Variants in CNPY2 observed in about 807,000 individuals in gnomAD.
CNPY2 encodes the protein protein canopy homolog 2.
A neutral mutation model predicts 25.5 loss-of-function variants in CNPY2; 19 were observed. That is an observed-to-expected ratio of 0.74 (90% CI 0.52 to 1.09). The LOEUF (loss-of-function observed/expected upper bound fraction) is 1.09. CNPY2 is among the 50% of genes least tolerant of loss of function. The pLI, the probability that CNPY2 is intolerant of heterozygous loss-of-function variation, is 0.00. For missense variants in CNPY2, 214 were observed against 233.6 expected (o/e 0.92, Z 0.55); for synonymous variants, 82 against 85.0 (o/e 0.96, Z 0.19).
Position 56,310,554 on chromosome 12 carries a change from A to G in CNPY2, c.547T>C (p.Ter183ArgextTer33). ...HALHISHDEL[*>R] ...CCAGTGTGGGCTGCTCCAGTGGTTC[A>G]TAGCTCATCATGCGATATGTGCAGG... Residue 183 changes from the stop codon to arginine (R), a stop_lost, in exon 6 of 6, where the codon TGA (stop) becomes CGA (arginine). Transcript: ENST00000273308. The G allele has an allele frequency of 6.2e-7, 1 of 1,614,218 alleles. No individual in the cohort carries two copies. Among genetic ancestry groups the G allele is most frequent in the Non-Finnish European group, 8.5e-7 (1 of 1,180,032 alleles).
chr12:56,314,964 A>G lies in CNPY2; in HGVS notation c.91T>C (p.Cys31Arg). 1 of 1,614,094 alleles carries G rather than the reference A, an allele frequency of 6.2e-7. No homozygotes were observed. Among genetic ancestry groups the G allele is most frequent in the Non-Finnish European group, 8.5e-7 (1 of 1,179,982 alleles). Residue 31 changes from cysteine to arginine, a missense_variant and splice_region_variant, in exon 3 of 6, where the codon TGC becomes CGC. Coordinates refer to ENST00000273308, the MANE Select transcript of CNPY2 (RefSeq NM_014255.7). ...TCTAGTTCATCCACCAGAGCCCTGC[A>G]TGCTGGTGGAAGAGGAGAGAATGAG... ...RRSQDLHCGA[C>R]RALVDELEWE...
chr12:56,311,312 T>A lies in CNPY2; in HGVS notation c.307A>T (p.Lys103Ter). 6.2e-7 allele frequency: 1 copy of A among 1,614,192 alleles called. No homozygotes were observed. The highest frequency in any genetic ancestry group is 8.5e-7 in the Non-Finnish European group (1 of 1,180,030). The part of the protein sequence containing the change: ...GEQIDPSTHR[K>*]NYVRVVGRNG... ...CGGCCCACTACACGTACGTAGTTCT[T>A]GCGATGGGTGGAAGGATCAATCTGT... Residue 103 changes from lysine (K) to a stop codon, truncating the protein, a stop_gained, in exon 4 of 6, where the codon AAG (lysine) becomes TAG (stop). Transcript: ENST00000273308. LOFTEE classifies it high-confidence loss of function.
At position 56,315,153 on chromosome 12, in the gene CNPY2, C is replaced by T; in HGVS notation, c.65G>A (p.Arg22Lys). The change falls in exon 2 of 6, where the codon AGG (arginine) becomes AAG (lysine). Residue 22 changes from arginine (R) to lysine (K), a missense_variant. Arg to Lys is a conservative substitution (Grantham distance 26). Transcript: ENST00000273308. ...ACCTCCACAGTGGAGATCCTGGCTCCTCCGAGCCCAGGCGGTTCCCAGCAG... is the reference window on the plus strand; with the variant it reads ...ACCTCCACAGTGGAGATCCTGGCTCTTCCGAGCCCAGGCGGTTCCCAGCAG... ...GALLGTAWAR[R>K]SQDLHCGACR... 6.2e-7 allele frequency: 1 copy of T among 1,614,132 alleles called. No homozygotes were observed. Among genetic ancestry groups the T allele is most frequent in the African/African-American group, 1.3e-5 (1 of 75,042 alleles).
chr12:56,310,946 G>A lies in CNPY2; in HGVS notation c.505+12C>T, dbSNP rs756450874. ...AGCTACTAGAACAGGAGATAAAGTG[G>A]GGGCAGCTTACCTGTTCGCTTACTG... On this transcript the variant is annotated intron_variant, in intron 5 of 5. Coordinates refer to ENST00000273308, the MANE Select transcript of CNPY2 (RefSeq NM_014255.7). 6.2e-7 allele frequency: 1 copy of A among 1,611,546 alleles called. No homozygotes were observed. Among genetic ancestry groups the A allele is most frequent in the African/African-American group, 1.3e-5 (1 of 74,826 alleles).
rs1231631796 is a variant in CNPY2 at position 56,311,209 on chromosome 12, A to AC, written c.408+1dup. ...AACCAGCTACCGATTCCCATAGCTC[A>AC]CCGCAAACTTGAGGGTGCCGCTAAT... is the stretch of plus-strand genomic sequence containing the variant. On this transcript the variant is annotated splice_donor_variant, in intron 4 of 5. Transcript: ENST00000273308. LOFTEE classifies it high-confidence loss of function. 3 of 1,613,854 alleles carry AC rather than the reference A, an allele frequency of 1.9e-6. No individual in the cohort carries two copies. Among genetic ancestry groups the AC allele is most frequent in the Non-Finnish European group, 2.5e-6 (3 of 1,179,852 alleles).
Position 56,314,907 on chromosome 12 carries a change from T to A in CNPY2, c.148A>T (p.Thr50Ser). ...WEIAQVDPKK[T>S]IQMGSFRINP... Reference sequence around the variant, plus strand: ...ATCCGGAAAGATCCCATCTGAATGGTCTTCTTGGGGTCCACCTGGGCAATT... The same window carrying A: ...ATCCGGAAAGATCCCATCTGAATGGACTTCTTGGGGTCCACCTGGGCAATT... The change falls in exon 3 of 6, where the codon ACC becomes TCC. Residue 50 changes from threonine to serine, a missense_variant. Transcript: ENST00000273308. 6.2e-7 allele frequency: 1 copy of A among 1,614,180 alleles called. No homozygotes were observed. The highest frequency in any genetic ancestry group is 8.5e-7 in the Non-Finnish European group (1 of 1,180,030).
chr12:56,314,568 A>G, intron 3 of CNPY2: 1 of 1,301,230 alleles, frequency 7.7e-7, no homozygotes, highest in Non-Finnish European at 9.8e-7. Context: ...CATGTATACC[A>G]CAGTGCTACA....
At chr12:56,310,861 A>G in intron 5 of CNPY2, 97 bp downstream of exon 5, 1 of 1,126,332 alleles carries the variant, frequency 8.9e-7, no homozygotes, top group Non-Finnish European at 1.3e-6. Flanking sequence ...TCTTGACCTA[A>G]TACCAGAGGT....
At position 56,310,364 on chromosome 12, in the gene CNPY2, C is replaced by T. The variant is rs1324039084; in HGVS notation, c.*188G>A. The T allele has an allele frequency of 1.9e-5, 12 of 625,890 alleles. No individual in the cohort carries two copies. Among genetic ancestry groups the T allele is most frequent in the Non-Finnish European group, 2.8e-5 (10 of 354,268 alleles). The allele number at this position is 625,890 out of a possible 1,614,324, so 38.8% of individuals were successfully genotyped here. On this transcript the variant is annotated 3_prime_UTR_variant, in exon 6 of 6. Coordinates refer to ENST00000273308, the MANE Select transcript of CNPY2 (RefSeq NM_014255.7). ...CTTTCTCCTCCATTATCTTTCCTGT[C>T]TATATAACTCCTTATCTTCAAGCTT...
intron 3 of CNPY2, chr12:56,313,030 G>A (rs376538840): frequency 6.6e-6 from 1 of 152,010 alleles, no homozygotes; most frequent in Non-Finnish European, 1.5e-5. Context: ...TGTGCAGAAC[G>A]TGCAGGTTTG....
intron 3 of CNPY2, 163 bp downstream of exon 3, chr12:56,314,688 T>C: frequency 6.8e-7 from 1 of 1,475,996 alleles, no homozygotes; most frequent in Non-Finnish European, 9.0e-7. Flanking sequence ...AGGAAGCAAG[T>C]GCATGGGGAA....
chr12:56,312,820 C>T (rs1873761403), intron 3 of CNPY2: 2 of 152,298 alleles, frequency 1.3e-5, no homozygotes, highest in Non-Finnish European at 2.9e-5. Flanking sequence ...ATCCACCCGC[C>T]TCAGCCTCCC....
At position 56,310,198 on chromosome 12, in the gene CNPY2, A is replaced by G. The variant is rs1035683281; in HGVS notation, c.*354T>C. ...CATGGAGGTTCCTCTATTCTCCACA[A>G]TTAGACTCTAAAGACGTGGTATTGA... On this transcript the variant is annotated 3_prime_UTR_variant, in exon 6 of 6. Coordinates refer to ENST00000273308, the MANE Select transcript of CNPY2 (RefSeq NM_014255.7). 1.7e-6 allele frequency: 1 copy of G among 603,554 alleles called. No homozygotes were observed. The highest frequency in any genetic ancestry group is 3.0e-5 in the Admixed American group (1 of 33,630). The allele number at this position is 603,554 out of a possible 1,614,324, so 37.4% of individuals were successfully genotyped here.
In CNPY2 at chr12:56,314,906, GTCT is replaced by G. The variant is rs1873845225; in HGVS notation, c.146_148del (p.Lys49del). The G allele has an allele frequency of 5.0e-6, 8 of 1,614,104 alleles. No individual in the cohort carries two copies. Among genetic ancestry groups the G allele is most frequent in the African/African-American group, 2.7e-5 (2 of 74,920 alleles). On this transcript the variant is annotated inframe_deletion, in exon 3 of 6. Transcript: ENST00000273308. ...GATCCGGAAAGATCCCATCTGAATG[GTCT>G]TCTTGGGGTCCACCTGGGCAATTTC... is the stretch of plus-strand genomic sequence containing the variant.
rs1035096291 is a variant in CNPY2 at position 56,315,168 on chromosome 12, G to C, written c.50C>G (p.Thr17Ser). 4.3e-6 allele frequency: 7 copies of C among 1,613,852 alleles called. No homozygotes were observed. Among genetic ancestry groups the C allele is most frequent in the African/African-American group, 1.3e-5 (1 of 74,878 alleles). The change falls in exon 2 of 6, where the codon ACC becomes AGC. Residue 17 changes from threonine (T) to serine (S), a missense_variant. Physicochemically the swap from Thr to Ser is moderately conservative, Grantham distance 58 (BLOSUM62 1). Coordinates refer to ENST00000273308, the MANE Select transcript of CNPY2 (RefSeq NM_014255.7). ...LALLLGALLG[T>S]AWARRSQDLH... is the part of the protein sequence containing the mutation. ...ATCCTGGCTCCTCCGAGCCCAGGCG[G>C]TTCCCAGCAGGGCCCCCAGAAGCAG...
intron 3 of CNPY2, chr12:56,312,921 A>G (rs1439176677): frequency 1.3e-5 from 2 of 152,216 alleles, no homozygotes; most frequent in Admixed American, 1.3e-4. Context: ...GCTCCAAGTT[A>G]TAAACAGAAT....
Position 56,310,570 on chromosome 12 carries a change from T to C in CNPY2, c.531A>G (p.Ile177Met), listed in dbSNP as rs1315159407. 5.0e-6 allele frequency: 8 copies of C among 1,614,234 alleles called. No homozygotes were observed. The highest frequency in any genetic ancestry group is 6.8e-6 in the Non-Finnish European group (8 of 1,180,046). The change falls in exon 6 of 6, where the codon ATA becomes ATG. Residue 177 changes from isoleucine to methionine, a missense_variant. By Grantham distance (10) the Ile-to-Met change is conservative. Transcript: ENST00000273308. ...RTDLCDHALH[I>M]SHDEL ...CAGTGGTTCATAGCTCATCATGCGA[T>C]ATGTGCAGGGCATGGTCACAAAGAT...
intron 3 of CNPY2, chr12:56,311,793 C>T (rs1433682511): frequency 3.3e-6 from 1 of 305,912 alleles, no homozygotes; most frequent in African/African-American, 2.2e-5. Flanking sequence ...CTCAGGTGAT[C>T]TGCCTGCCTC....
Position 56,310,526 on chromosome 12 carries a change from A to T in CNPY2, c.*26T>A. The stretch of plus-strand genomic sequence containing the variant: ...TTTCCCCTCCTGGGGGTGATCCATC[A>T]AGCCAGTGTGGGCTGCTCCAGTGGT... On this transcript the variant is annotated 3_prime_UTR_variant, in exon 6 of 6. Coordinates refer to ENST00000273308, the MANE Select transcript of CNPY2 (RefSeq NM_014255.7). The T allele has an allele frequency of 1.2e-6, 2 of 1,613,382 alleles. No individual in the cohort carries two copies. Among genetic ancestry groups the T allele is most frequent in the Non-Finnish European group, 1.7e-6 (2 of 1,179,236 alleles).
Sources: allele counts gnomAD v4.1 joint callset, GRCh38; gene constraint gnomAD v4.1.1; transcripts MANE v1.5; gene names NCBI Gene and HGNC (gene_info 2026-07-23, HGNC 2026-07-21).